The following NPRL3 variants were observed in gnomAD, a reference collection of about 807,000 sequenced individuals.
NPRL3 encodes NPR3 like, GATOR1 complex subunit.
In NPRL3, 23 loss-of-function variants were observed where a neutral mutation model predicts 57.2. The ratio of observed to expected loss-of-function variants is 0.40; its 90% CI spans 0.29 to 0.57. The LOEUF (loss-of-function observed/expected upper bound fraction) is 0.57, where lower values mean the gene tolerates loss of function less well. Ranked by LOEUF, NPRL3 falls within the 20% of genes least tolerant of loss-of-function variation. The pLI is 0.42. For missense variants in NPRL3, 691 were observed against 767.1 expected, an observed-to-expected ratio of 0.90 and a Z score of 1.17; for synonymous variants, 333 against 321.1, an observed-to-expected ratio of 1.04 and a Z score of -0.39.
At chr16:99,807 C>T (rs191315723) in intron 8 of NPRL3, among the ~76,000 whole-genome samples, 3 of 151,552 alleles carry the variant, frequency 2.0e-5, no homozygotes, top group East Asian at 1.9e-4. Flanking sequence ...GCAGTGGGCG[C>T]CTGTAATCCC....
chr16:100,542 T>A, intron 7 of NPRL3, 33 bp from the exon 8 acceptor site: 1 of 1,493,616 alleles, frequency 6.7e-7, no homozygotes, highest in Non-Finnish European at 8.9e-7. Context: ...CCCGTTCACA[T>A]AAACTTTCTA....
At chr16:95,285 G>A (rs772352781) in intron 9 of NPRL3, among the ~76,000 whole-genome samples, 4 of 147,196 alleles carry the variant, frequency 2.7e-5, no homozygotes, top group Admixed American at 6.8e-5. Context: ...TATACAGCAC[G>A]ATCCTAATTT....
chr16:107,309 G>C (rs949239111), intron 7 of NPRL3, among the ~76,000 whole-genome samples: 1 of 152,108 alleles, frequency 6.6e-6, no homozygotes, highest in Non-Finnish European at 1.5e-5. Context: ...TTTCCAGCAC[G>C]ATTCAAACCT....
rs574125325 is a variant in NPRL3, at chr16:89,588, G to A, written c.1351+125C>T. On this transcript the variant is annotated intron_variant, in intron 12 of 13. Transcript: ENST00000611875. ...TGTCTCCACGGGGGACACGAGGCAC[G>A]TGCATGTGCGTGTGCAGCTGTGTGG... 43 of 878,496 alleles carry A rather than the reference G, an allele frequency of 4.9e-5. No individual in the cohort carries two copies. The East Asian group carries it at 8.1e-4, about 17-fold the overall frequency. 54.4% of individuals were successfully genotyped at this position (878,496 alleles called of 1,614,324 possible).
chr16:117,241 A>C (rs1900083398), intron 5 of NPRL3, 60 bp downstream of exon 5: 3 of 1,248,868 alleles, frequency 2.4e-6, no homozygotes, highest in Non-Finnish European at 3.5e-6. Context: ...CGTTGGAAAA[A>C]AAGAGCTGCT....
At chr16:103,822 T>A (rs1567136269) in intron 7 of NPRL3, among the ~76,000 whole-genome samples, 1 of 152,004 alleles carries the variant, frequency 6.6e-6, no homozygotes, top group Non-Finnish European at 1.5e-5. Context: ...CTACTAAAAA[T>A]ACAAATATTA....
intron 6 of NPRL3, among the ~76,000 whole-genome samples, chr16:111,517 C>CGGG (rs1899814386): frequency 6.6e-6 from 1 of 151,772 alleles, no homozygotes; most frequent in South Asian, 2.1e-4. Flanking sequence ...GGTGCAATCT[C>CGGG]AGCTCACCCC....
intron 11 of NPRL3, among the ~76,000 whole-genome samples, chr16:92,136 C>T (rs911628789): frequency 6.6e-6 from 1 of 152,200 alleles, no homozygotes; most frequent in Admixed American, 6.5e-5. Flanking sequence ...TACCCACAGA[C>T]CCTGTGGCCA....
intron 7 of NPRL3, among the ~76,000 whole-genome samples, 183 bp from the exon 8 acceptor site, chr16:100,692 G>A (rs572771880): frequency 3.1e-5 from 4 of 129,260 alleles, no homozygotes; most frequent in African/African-American, 7.6e-5. Flanking sequence ...TATGGGGGCC[G>A]GGCACGGTGG....
Sources: allele counts gnomAD v4.1 joint callset (sites outside exome capture counted in the v4.1 genomes callset), GRCh38; gene constraint gnomAD v4.1.1; transcripts MANE v1.5; gene names NCBI Gene and HGNC (gene_info 2026-07-23, HGNC 2026-07-21).